Variants in RBMS3 observed in about 807,000 individuals in gnomAD.
The protein encoded by RBMS3 is RNA binding motif single stranded interacting protein 3.
A neutral mutation model predicts 66.8 loss-of-function variants in RBMS3; 27 were observed. The ratio of observed to expected loss-of-function variants is 0.40; its 90% CI spans 0.30 to 0.56. The LOEUF is 0.56. Among genes scored for constraint, RBMS3 ranks in the 20% least tolerant of loss-of-function variants. RBMS3 has a pLI of 0.40. For synonymous variants in RBMS3, 188 were observed against 183.0 expected (o/e 1.03, Z -0.22); for missense variants, 513 against 549.5 (o/e 0.93, Z 0.66).
chr3:29,525,017 G>A lies in RBMS3; in HGVS notation c.307+36518G>A, dbSNP rs112076271. Among the ~76,000 whole-genome samples, 872 of 152,094 alleles carry A rather than the reference G, an allele frequency of 5.7e-3. 3 individuals carry two copies. The highest frequency in any genetic ancestry group is 0.018 in the African/African-American group (764 of 41,508). On this transcript the variant is annotated intron_variant, in intron 3 of 14. Coordinates refer to ENST00000383767, the MANE Select transcript of RBMS3 (RefSeq NM_001003793.3). ...TGCGGTGAGCTATGATCATGGGACC[G>A]CACTCTAGTCTGGGCTGCGGAGTAA...
intron 4 of RBMS3, among the ~76,000 whole-genome samples, chr3:29,649,083 C>T (rs148218183): frequency 4.6e-5 from 7 of 152,286 alleles, no homozygotes; most frequent in Admixed American, 6.5e-5. Context: ...CTTCTTTGGT[C>T]TAAGGTTTTC....
At chr3:29,678,192 C>T (rs1220029635) in intron 4 of RBMS3, among the ~76,000 whole-genome samples, 1 of 152,008 alleles carries the variant, frequency 6.6e-6, no homozygotes, top group East Asian at 1.9e-4. Flanking sequence ...TTCATTGAAA[C>T]CTTGGTTGAT....
At chr3:29,350,302 T>C (rs2036835237) in intron 1 of RBMS3, among the ~76,000 whole-genome samples, 1 of 152,204 alleles carries the variant, frequency 6.6e-6, no homozygotes, top group South Asian at 2.1e-4. Context: ...TAATTGGTTG[T>C]TTTTTGTTTG....
intron 6 of RBMS3, among the ~76,000 whole-genome samples, chr3:29,841,140 A>G (rs905912638): frequency 2.0e-5 from 3 of 151,812 alleles, no homozygotes; most frequent in African/African-American, 7.2e-5. Flanking sequence ...TATCTCTTTC[A>G]TCATTTACCT....
chr3:29,847,844 G>C (rs2058826091), intron 6 of RBMS3, among the ~76,000 whole-genome samples: 1 of 152,068 alleles, frequency 6.6e-6, no homozygotes, highest in Admixed American at 6.5e-5. Context: ...TTTTAGTAGA[G>C]ACGGGGTGTC....
chr3:29,920,490 C>T (rs1026073683), intron 10 of RBMS3, among the ~76,000 whole-genome samples: 1 of 152,148 alleles, frequency 6.6e-6, no homozygotes, highest in African/African-American at 2.4e-5. Context: ...CTACTACTTT[C>T]ATCCAAAAAA....
chr3:29,562,013 G>A (rs1006225107), intron 3 of RBMS3, among the ~76,000 whole-genome samples: 2 of 152,042 alleles, frequency 1.3e-5, no homozygotes, highest in Non-Finnish European at 2.9e-5. Context: ...ACACAGTGTA[G>A]TATTAACTGA....
chr3:29,556,016 CAT>C (rs1216867448), intron 3 of RBMS3, among the ~76,000 whole-genome samples: 1 of 152,050 alleles, frequency 6.6e-6, no homozygotes, highest in East Asian at 1.9e-4. Context: ...TTTGGGAAAA[CAT>C]GTTTTAATTT....
chr3:29,885,114 C>T (rs576367997), intron 8 of RBMS3, among the ~76,000 whole-genome samples: 1 of 151,954 alleles, frequency 6.6e-6, no homozygotes, highest in African/African-American at 2.4e-5. Context: ...TATAGTCAGT[C>T]ATTCAACAAA....
intron 1 of RBMS3, among the ~76,000 whole-genome samples, chr3:29,323,302 AT>A (rs1402893599): frequency 2.8e-4 from 42 of 152,034 alleles, no homozygotes; most frequent in African/African-American, 8.9e-4. Flanking sequence ...CACAAAGTTG[AT>A]TTTTTTGGGT....
At chr3:29,870,056 A>T (rs1057278562) in intron 7 of RBMS3, among the ~76,000 whole-genome samples, 1 of 152,180 alleles carries the variant, frequency 6.6e-6, no homozygotes, top group African/African-American at 2.4e-5. Flanking sequence ...TTCAAGTACT[A>T]TATAAACTGT....
At chr3:29,482,744 G>C (rs1348353816) in intron 2 of RBMS3, among the ~76,000 whole-genome samples, 2 of 107,714 alleles carry the variant, frequency 1.9e-5, no homozygotes, top group Non-Finnish European at 3.4e-5. Flanking sequence ...GTGTCGCTCT[G>C]TCACCCAGGC....
intron 3 of RBMS3, among the ~76,000 whole-genome samples, chr3:29,549,114 A>C (rs1020379870): frequency 3.4e-5 from 4 of 116,002 alleles, no homozygotes; most frequent in African/African-American, 6.9e-5. Flanking sequence ...TCACATCTAT[A>C]CTTATATCTT....
At chr3:29,304,562 A>G (rs1167070081) in intron 1 of RBMS3, among the ~76,000 whole-genome samples, 1 of 151,948 alleles carries the variant, frequency 6.6e-6, no homozygotes, top group Non-Finnish European at 1.5e-5. Flanking sequence ...ACCACATAGA[A>G]GATCCCAGAA....
At chr3:29,702,342 C>G (rs932564273) in intron 4 of RBMS3, among the ~76,000 whole-genome samples, 2 of 152,180 alleles carry the variant, frequency 1.3e-5, no homozygotes, top group African/African-American at 4.8e-5. Context: ...ACACACCAAT[C>G]AGCACCCTGT....
In RBMS3 at chr3:29,899,101, A is replaced by G. The variant is rs2060194072; in HGVS notation, c.889-604A>G. ...CTTTTTCATTTGTCTGACACATGGT[A>G]CATTTAAGAATAGTTGGCTGGCTGA... is the stretch of plus-strand genomic sequence containing the variant. On this transcript the variant is annotated intron_variant, in intron 9 of 14. Coordinates refer to ENST00000383767, the MANE Select transcript of RBMS3 (RefSeq NM_001003793.3). Among the ~76,000 whole-genome samples the G allele has an allele frequency of 2.0e-5, 3 of 151,644 alleles. No individual in the cohort carries two copies. The South Asian group carries it at 6.2e-4, about 31-fold the overall frequency.
chr3:29,443,542 C>G (rs1201480153), intron 2 of RBMS3, among the ~76,000 whole-genome samples: 1 of 151,988 alleles, frequency 6.6e-6, no homozygotes, highest in Non-Finnish European at 1.5e-5. Flanking sequence ...AGGAGTCAGG[C>G]AGATAATATT....
intron 3 of RBMS3, among the ~76,000 whole-genome samples, chr3:29,504,214 A>G (rs1266515332): frequency 1.3e-5 from 2 of 152,088 alleles, no homozygotes; most frequent in African/African-American, 4.8e-5. Flanking sequence ...GAGCCGTGCC[A>G]GTTAGTAGGG....
intron 1 of RBMS3, among the ~76,000 whole-genome samples, chr3:29,319,633 G>A (rs1011734251): frequency 6.6e-6 from 1 of 151,950 alleles, no homozygotes; most frequent in African/African-American, 2.4e-5. Flanking sequence ...TTACAGATAA[G>A]TAAAATAAGT....
Sources: gnomAD v4.1 joint callset for allele counts (sites outside exome capture counted in the v4.1 genomes callset) on GRCh38, gnomAD v4.1.1 for gene constraint, MANE v1.5 for transcripts, NCBI Gene and HGNC (gene_info 2026-07-23, HGNC 2026-07-21) for gene names.